GAB1: variants seen among roughly 807,000 people sequenced by gnomAD.
GAB1 encodes the protein GRB2 associated binding protein 1, also known as GRB2-associated-binding protein 1.
In GAB1, 19 loss-of-function variants were observed where a neutral mutation model predicts 66.5. The observed-to-expected ratio is 0.29, with a 90% CI of 0.20 to 0.42. The LOEUF is 0.42. Among genes scored for constraint, GAB1 ranks in the 10% least tolerant of loss-of-function variants. The pLI is 1.00. For synonymous variants in GAB1, 294 were observed against 301.4 expected, an observed-to-expected ratio of 0.98 and a Z score of 0.25; for missense variants, 732 against 858.5, an observed-to-expected ratio of 0.85 and a Z score of 1.84.
chr4:143,438,357 C>G lies in GAB1; in HGVS notation c.952C>G (p.Gln318Glu). ...DIPPTPGNTY[Q>E]IPRTFPEGTL... ...TCCTCCAACACCTGGTAATACTTAT[C>G]AGATTCCACGAACATTTCCAGAAGG... Residue 318 changes from glutamine (Q) to glutamate (E), a missense_variant, in exon 4 of 10, where the codon CAG (glutamine) becomes GAG (glutamate). Coordinates refer to ENST00000262994, the MANE Select transcript of GAB1 (RefSeq NM_002039.4). The G allele has an allele frequency of 1.9e-6, 3 of 1,614,086 alleles. No individual in the cohort carries two copies. The highest frequency in any genetic ancestry group is 2.5e-6 in the Non-Finnish European group (3 of 1,180,002).
chr4:143,414,922 T>C (rs1732598181), intron 1 of GAB1, among the ~76,000 whole-genome samples: 1 of 152,146 alleles, frequency 6.6e-6, no homozygotes, highest in Non-Finnish European at 1.5e-5. Flanking sequence ...CAGAACTTGA[T>C]CTTCTTCAAC....
intron 1 of GAB1, among the ~76,000 whole-genome samples, chr4:143,367,125 A>G (rs1729914348): frequency 6.6e-6 from 1 of 152,218 alleles, no homozygotes; most frequent in Admixed American, 6.5e-5. Context: ...TTGGTATCAG[A>G]AATAGCCTTG....
intron 1 of GAB1, among the ~76,000 whole-genome samples, chr4:143,344,836 C>T (rs1157033654): frequency 6.6e-6 from 1 of 152,204 alleles, no homozygotes; most frequent in East Asian, 1.9e-4. Context: ...GCGAAGTTCT[C>T]CCTAGTTTAA....
chr4:143,469,309 A>G lies in GAB1; in HGVS notation c.*120A>G. 9.6e-7 allele frequency: 1 copy of G among 1,044,510 alleles called. No individual in the cohort carries two copies. Among genetic ancestry groups the G allele is most frequent in the Non-Finnish European group, 1.4e-6 (1 of 733,124 alleles). 64.7% of individuals were successfully genotyped at this position (1,044,510 alleles called of 1,614,324 possible). On this transcript the variant is annotated 3_prime_UTR_variant, in exon 10 of 10. Transcript: ENST00000262994. The stretch of plus-strand genomic sequence containing the variant: ...CCTCAAATGAGTAGAGTTGAAGTCA[A>G]AGGACCTTTCTGACATAATCAAGCA...
At chr4:143,337,316 G>C (rs891786659) in intron 1 of GAB1, 56 bp downstream of exon 1, 225 of 1,466,702 alleles carry the variant, frequency 1.5e-4, no homozygotes, top group Admixed American at 2.6e-4. Context: ...CCCCTCCCCA[G>C]TCGGCTCGCC....
chr4:143,453,376 G>GA (rs966490577), intron 6 of GAB1, among the ~76,000 whole-genome samples: 2 of 151,868 alleles, frequency 1.3e-5, no homozygotes, highest in African/African-American at 4.8e-5. Flanking sequence ...ACCCACCCCA[G>GA]AAAAAAAGGT....
At chr4:143,366,426 A>G (rs1729883530) in intron 1 of GAB1, among the ~76,000 whole-genome samples, 1 of 152,224 alleles carries the variant, frequency 6.6e-6, no homozygotes, top group Non-Finnish European at 1.5e-5. Context: ...AGCCACATAC[A>G]TTATGAAATT....
chr4:143,370,883 C>CT (rs1047070825), intron 1 of GAB1, among the ~76,000 whole-genome samples: 1 of 152,102 alleles, frequency 6.6e-6, no homozygotes, highest in African/African-American at 2.4e-5. Flanking sequence ...TGAACTCATC[C>CT]TTTTTTATGG....
At chr4:143,443,705 A>G (rs1240966142) in intron 6 of GAB1, among the ~76,000 whole-genome samples, 1 of 152,164 alleles carries the variant, frequency 6.6e-6, no homozygotes, top group African/African-American at 2.4e-5. Context: ...TCAGAGCTCC[A>G]TATAACTAGT....
At chr4:143,446,410 A>G (rs1382298374) in intron 6 of GAB1, among the ~76,000 whole-genome samples, 1 of 152,016 alleles carries the variant, frequency 6.6e-6, no homozygotes, top group East Asian at 1.9e-4. Flanking sequence ...AGTCCCACCA[A>G]CAGTGTAAAA....
intron 1 of GAB1, among the ~76,000 whole-genome samples, chr4:143,384,653 G>A (rs564095895): frequency 6.6e-6 from 1 of 152,222 alleles, no homozygotes; most frequent in African/African-American, 2.4e-5. Flanking sequence ...TTCCTGGAGA[G>A]GGGAGAGCTC....
intron 9 of GAB1, 109 bp downstream of exon 9, chr4:143,466,334 TTAGTC>T (rs1179723660): frequency 1.6e-5 from 18 of 1,107,502 alleles, no homozygotes; most frequent in East Asian, 1.1e-4. Flanking sequence ...TAATATAAAT[TTAGTC>T]TGGTCTGCTA....
chr4:143,341,258 C>T (rs1728815430), intron 1 of GAB1, among the ~76,000 whole-genome samples: 1 of 152,048 alleles, frequency 6.6e-6, no homozygotes, highest in Non-Finnish European at 1.5e-5. Flanking sequence ...ACTAGGATTA[C>T]AGAAAACAAG....
At chr4:143,411,361 C>G (rs1732381218) in intron 1 of GAB1, among the ~76,000 whole-genome samples, 1 of 152,196 alleles carries the variant, frequency 6.6e-6, no homozygotes, top group Non-Finnish European at 1.5e-5. Context: ...TAAGAAATGG[C>G]TACAAAATAA....
chr4:143,423,826 ATATATATAT>A (rs1733173945), intron 2 of GAB1, among the ~76,000 whole-genome samples: 1 of 104,486 alleles, frequency 9.6e-6, no homozygotes, highest in Admixed American at 9.1e-5. Context: ...ATATATATAT[ATATATATAT>A]ATGTCTTCAC....
chr4:143,395,605 A>T, intron 1 of GAB1: 1 of 259,000 alleles, frequency 3.9e-6, no homozygotes, highest in South Asian at 3.7e-5. Context: ...ATAACTCTGG[A>T]AATTAAAGAC....
intron 2 of GAB1, among the ~76,000 whole-genome samples, chr4:143,416,768 C>T (rs1430006680): frequency 3.3e-5 from 5 of 152,096 alleles, no homozygotes; most frequent in South Asian, 2.1e-4. Flanking sequence ...AGCAAGATGC[C>T]GTCTCAAAAA....
At chr4:143,436,599 C>G (rs879590273) in intron 3 of GAB1, among the ~76,000 whole-genome samples, 1 of 151,926 alleles carries the variant, frequency 6.6e-6, no homozygotes, top group Non-Finnish European at 1.5e-5. Context: ...GGAATAAGTA[C>G]GCGGCTAAGA....
rs1578771727 is a variant in GAB1, at chr4:143,472,872, A to T, written c.*3683A>T. 1 of 152,186 alleles carries T rather than the reference A, an allele frequency of 6.6e-6. No individual in the cohort carries two copies. The highest frequency in any genetic ancestry group is 1.5e-5 in the Non-Finnish European group (1 of 68,038). 9.4% of individuals were successfully genotyped at this position (152,186 alleles called of 1,614,324 possible). ...TCTGATGTTACATGCACATTTATATATATATAATTTTAAAAACTGAACTAT... is the reference window on the plus strand; with the variant it reads ...TCTGATGTTACATGCACATTTATATTTATATAATTTTAAAAACTGAACTAT... On this transcript the variant is annotated 3_prime_UTR_variant, in exon 10 of 10. Transcript: ENST00000262994.
Sources: allele counts gnomAD v4.1 joint callset (sites outside exome capture counted in the v4.1 genomes callset), GRCh38; gene constraint gnomAD v4.1.1; transcripts MANE v1.5; gene names NCBI Gene and HGNC (gene_info 2026-07-23, HGNC 2026-07-21).